FXYD6: variants seen among roughly 807,000 people sequenced by gnomAD.
FXYD6 encodes the protein FXYD domain containing ion transport regulator 6, also known as FXYD domain-containing ion transport regulator 6.
A neutral mutation model predicts 16.7 loss-of-function variants in FXYD6; 7 were observed. The observed-to-expected ratio is 0.42, with a 90% CI of 0.24 to 0.79. FXYD6 has a LOEUF of 0.79. Ranked by LOEUF, FXYD6 falls within the 30% of genes least tolerant of loss-of-function variation. The probability of loss-of-function intolerance (pLI) is 0.28; values close to 1 mark genes in which losing one functional copy is unlikely to be tolerated. For synonymous variants in FXYD6, 49 were observed against 43.0 expected (o/e 1.14, Z -0.54); for missense variants, 111 against 116.2 (o/e 0.95, Z 0.21).
At chr11:117,846,371 T>A (rs2056469856) in intron 1 of FXYD6, among the ~76,000 whole-genome samples, 1 of 152,248 alleles carries the variant, frequency 6.6e-6, no homozygotes, top group South Asian at 2.1e-4. Flanking sequence ...TTTTTTCACT[T>A]TTAAAAATTG....
At chr11:117,855,464 T>G (rs2056703555) in intron 1 of FXYD6, among the ~76,000 whole-genome samples, 1 of 152,172 alleles carries the variant, frequency 6.6e-6, no homozygotes. Context: ...AGAATGCCTT[T>G]GTCTCACTGC....
intron 1 of FXYD6, among the ~76,000 whole-genome samples, chr11:117,865,237 G>C (rs2155111): frequency 1.3e-5 from 2 of 152,176 alleles, no homozygotes; most frequent in Non-Finnish European, 2.9e-5. Context: ...AGGATGTGGA[G>C]AAATTGGAAC....
At chr11:117,853,525 T>A (rs998857074) in intron 1 of FXYD6, among the ~76,000 whole-genome samples, 6 of 152,126 alleles carry the variant, frequency 3.9e-5, no homozygotes, top group African/African-American at 1.2e-4. Context: ...TGAGATAGAG[T>A]CTCACTGTGT....
rs1016375678 is a variant in FXYD6, at chr11:117,839,783, T to C, written c.*19A>G. The C allele has an allele frequency of 6.2e-7, 1 of 1,614,188 alleles. No homozygotes were observed. Among genetic ancestry groups the C allele is most frequent in the South Asian group, 1.1e-5 (1 of 91,084 alleles). ...AATCCAGGCACTGAGCATCTCACCTTCCACCTGATGGCTGCACTTCAGTTC... is the reference window on the plus strand; with the variant it reads ...AATCCAGGCACTGAGCATCTCACCTCCCACCTGATGGCTGCACTTCAGTTC... On this transcript the variant is annotated splice_region_variant and 3_prime_UTR_variant, in exon 7 of 8. Transcript: ENST00000526014.
intron 1 of FXYD6, among the ~76,000 whole-genome samples, chr11:117,856,879 G>T (rs753564074): frequency 6.6e-6 from 1 of 152,114 alleles, no homozygotes; most frequent in African/African-American, 2.4e-5. Context: ...GGCAGGGCAG[G>T]GCTCAGAACA....
chr11:117,872,006 G>GT lies in FXYD6; in HGVS notation c.-6+4585_-6+4586insA, dbSNP rs2057147983. Among the ~76,000 whole-genome samples, 1 of 152,208 alleles carries GT rather than the reference G, an allele frequency of 6.6e-6. No individual in the cohort carries two copies. Among genetic ancestry groups the GT allele is most frequent in the Non-Finnish European group, 1.5e-5 (1 of 68,036 alleles). On this transcript the variant is annotated intron_variant, in intron 1 of 7. Transcript: ENST00000526014. The surrounding 1 kb of genome is among the most constrained non-coding windows in gnomAD (Gnocchi z 4.9). Reference sequence around the variant, plus strand: ...GAGGTGGCTGCAGCCAGGTCACGCTGAGCCTGGAGTGCCTACACCATGTAC... The same window carrying GT: ...GAGGTGGCTGCAGCCAGGTCACGCTGTAGCCTGGAGTGCCTACACCATGTAC...
At chr11:117,876,760 G>C (rs867614932), upstream of FXYD6, 2 of 151,950 alleles carry the variant, frequency 1.3e-5, no homozygotes, top group African/African-American at 4.8e-5. Flanking sequence ...GGGGGCGGGG[G>C]GGGGGCTCGC....
chr11:117,842,924 G>A, intron 1 of FXYD6, 143 bp from the exon 2 acceptor site: 1 of 803,478 alleles, frequency 1.2e-6, no homozygotes, highest in Non-Finnish European at 2.0e-6. Context: ...AACAACCTAA[G>A]CACAAGCAGT....
upstream of FXYD6, chr11:117,877,124 G>A (rs970591402): frequency 2.6e-5 from 4 of 152,296 alleles, no homozygotes; most frequent in Non-Finnish European, 4.4e-5. Flanking sequence ...CGGAAAAATA[G>A]GAGAAAATAA....
At chr11:117,875,181 T>C (rs1005667180) in intron 1 of FXYD6, among the ~76,000 whole-genome samples, 1 of 152,132 alleles carries the variant, frequency 6.6e-6, no homozygotes. Context: ...TGGTGCGGTA[T>C]ATATGCGGTG....
intron 1 of FXYD6, chr11:117,869,144 G>T (rs920516379): frequency 6.6e-6 from 1 of 152,142 alleles, no homozygotes; most frequent in East Asian, 1.9e-4. Flanking sequence ...ATGATTGCCC[G>T]CCCCGCCCAG....
intron 1 of FXYD6, among the ~76,000 whole-genome samples, chr11:117,848,597 G>T (rs754906805): frequency 2.6e-5 from 4 of 152,134 alleles, no homozygotes; most frequent in Non-Finnish European, 5.9e-5. Flanking sequence ...GTTTGCAGAA[G>T]ATTCGAATTA....
chr11:117,842,567 T>A (rs2056374890), intron 2 of FXYD6, 152 bp downstream of exon 2: 1 of 778,926 alleles, frequency 1.3e-6, no homozygotes, highest in Non-Finnish European at 2.1e-6. Flanking sequence ...TCCACGACTT[T>A]CTCTGCTGAC....
At chr11:117,847,148 G>A (rs1031692946) in intron 1 of FXYD6, among the ~76,000 whole-genome samples, 2 of 152,116 alleles carry the variant, frequency 1.3e-5, no homozygotes, top group Non-Finnish European at 2.9e-5. Flanking sequence ...CACCTTGTAT[G>A]TGTTTTCTAA....
At chr11:117,839,395 T>A (rs2056281718) in intron 7 of FXYD6, 3 of 234,070 alleles carry the variant, frequency 1.3e-5, no homozygotes, top group Non-Finnish European at 1.7e-5. Context: ...ATAAGGTGTT[T>A]AAAAAAACAA....
chr11:117,842,110 A>G, intron 2 of FXYD6, 82 bp from the exon 3 acceptor site: 2 of 1,599,720 alleles, frequency 1.3e-6, no homozygotes, highest in Non-Finnish European at 1.7e-6. Flanking sequence ...CACAGACCTC[A>G]GTCTCCACAA....
intron 1 of FXYD6, among the ~76,000 whole-genome samples, chr11:117,858,681 TTCTTTCTTTCTTTC>T (rs1277672695): frequency 1.1e-5 from 1 of 87,734 alleles, no homozygotes; most frequent in Non-Finnish European, 2.1e-5. Context: ...CTTTCTTTCT[TTCTTTCTTTCTTTC>T]TTTCTTTCTC....
At position 117,858,684 on chromosome 11, in the gene FXYD6, TTTCTTTCTTTCTTTCTTTC is replaced by T. The variant is rs1292175584; in HGVS notation, c.-5-15922_-5-15904del. Among the ~76,000 whole-genome samples, 26 of 89,056 alleles carry T rather than the reference TTTCTTTCTTTCTTTCTTTC, an allele frequency of 2.9e-4. 1 individual carries two copies. The highest frequency in any genetic ancestry group is 1.3e-3 in the African/African-American group (26 of 19,740). 58.4% of individuals were successfully genotyped at this position (89,056 alleles called of 152,430 possible). On this transcript the variant is annotated intron_variant, in intron 1 of 7. Transcript: ENST00000526014. ...CTTTCTTTCTTTCTTTCTTTCTTTC[TTTCTTTCTTTCTTTCTTTC>T]TCTCTCTCTCTCCTTCCTTCCCTTC... is the stretch of plus-strand genomic sequence containing the variant.
intron 2 of FXYD6, 122 bp downstream of exon 2, chr11:117,842,597 C>G (rs552486978): frequency 9.1e-6 from 9 of 994,076 alleles, no homozygotes; most frequent in Non-Finnish European, 1.4e-5. Context: ...AGGCCCCTGA[C>G]TAGACATGAA....
Sources: gnomAD v4.1 joint callset for allele counts (sites outside exome capture counted in the v4.1 genomes callset) on GRCh38, gnomAD v4.1.1 for gene constraint, Gnocchi (gnomAD v3.1) non-coding constraint, MANE v1.5 for transcripts, NCBI Gene and HGNC (gene_info 2026-07-23, HGNC 2026-07-21) for gene names.